The following RBMS3 variants were observed in gnomAD, a reference collection of about 807,000 sequenced individuals.
The protein encoded by RBMS3 is RNA binding motif single stranded interacting protein 3, also known as RNA-binding motif, single-stranded-interacting protein 3.
Under a neutral mutation model 66.8 loss-of-function variants are expected in RBMS3, and 27 were observed. That is an observed-to-expected ratio of 0.40 (90% confidence interval 0.30 to 0.56). The LOEUF (loss-of-function observed/expected upper bound fraction) is 0.56. RBMS3 is among the 20% of genes least tolerant of loss of function. RBMS3 has a pLI of 0.40. For synonymous variants in RBMS3, 188 were observed against 183.0 expected (o/e 1.03, Z -0.22); for missense variants, 513 against 549.5 (o/e 0.93, Z 0.66).
intron 1 of RBMS3, among the ~76,000 whole-genome samples, chr3:29,403,461 A>G (rs2125670626): frequency 6.6e-6 from 1 of 152,180 alleles, no homozygotes; most frequent in Non-Finnish European, 1.5e-5. Context: ...TTGCATAGCT[A>G]ACTTTGCCAT....
At position 29,763,529 on chromosome 3, in the gene RBMS3, G is replaced by T. The variant is rs1436507958; in HGVS notation, c.637+540G>T. On this transcript the variant is annotated intron_variant, in intron 6 of 14. Coordinates refer to ENST00000383767, the MANE Select transcript of RBMS3 (RefSeq NM_001003793.3). ...CAAATTGGAAATTTTAGAAAATACT[G>T]TCTATTTATCAGAGCTAGTTTGAGA... 3.3e-5 allele frequency among the ~76,000 whole-genome samples: 5 copies of T among 152,100 alleles called. No individual in the cohort carries two copies. In the South Asian group the frequency reaches 1.0e-3, roughly 32 times the overall value.
intron 6 of RBMS3, among the ~76,000 whole-genome samples, chr3:29,801,668 A>C (rs535057948): frequency 6.6e-6 from 1 of 152,304 alleles, no homozygotes; most frequent in Non-Finnish European, 1.5e-5. Flanking sequence ...CTGCCATAAA[A>C]GGAAAAACAT....
intron 5 of RBMS3, among the ~76,000 whole-genome samples, chr3:29,758,606 A>C (rs1443796019): frequency 6.6e-6 from 1 of 152,182 alleles, no homozygotes; most frequent in Non-Finnish European, 1.5e-5. Context: ...TACTTAAGAC[A>C]CTTGTATCCT....
At chr3:29,359,587 T>TG (rs1235532987) in intron 1 of RBMS3, among the ~76,000 whole-genome samples, 1 of 152,194 alleles carries the variant, frequency 6.6e-6, no homozygotes, top group African/African-American at 2.4e-5. Context: ...GATTCCCTCT[T>TG]TTTCTACTGA....
Position 29,973,689 on chromosome 3 carries a change from G to A in RBMS3, c.1099-14454G>A, listed in dbSNP as rs79514521. Among the ~76,000 whole-genome samples the A allele has an allele frequency of 8.4e-3, 1,270 of 151,988 alleles. 14 individuals are homozygous for A. Among genetic ancestry groups the A allele is most frequent in the African/African-American group, 0.028 (1,159 of 41,496 alleles). ...CAATTTCCTGAGCTCCTCACTTCTG[G>A]TGACCTTTCTCTATTCTATCCTAGA... On this transcript the variant is annotated intron_variant, in intron 12 of 14. Coordinates refer to ENST00000383767, the MANE Select transcript of RBMS3 (RefSeq NM_001003793.3).
chr3:29,853,161 T>A (rs1209026997), intron 6 of RBMS3, among the ~76,000 whole-genome samples: 2 of 151,486 alleles, frequency 1.3e-5, no homozygotes, highest in Non-Finnish European at 1.5e-5. Context: ...TCTCAGAGAG[T>A]GGAGGGTGGG....
chr3:29,682,478 GATTC>G (rs1210460873), intron 4 of RBMS3, among the ~76,000 whole-genome samples: 1 of 152,192 alleles, frequency 6.6e-6, no homozygotes, highest in African/African-American at 2.4e-5. Context: ...AACAAGCTCT[GATTC>G]ATTGATAATG....
chr3:29,671,596 ACAGAGTTGAAAAC>A (rs1179762010), intron 4 of RBMS3, among the ~76,000 whole-genome samples: 1 of 152,220 alleles, frequency 6.6e-6, no homozygotes, highest in Non-Finnish European at 1.5e-5. Flanking sequence ...AAATGACCTG[ACAGAGTTGAAAAC>A]CATGGCACAA....
intron 3 of RBMS3, among the ~76,000 whole-genome samples, chr3:29,554,531 C>G (rs1296124014): frequency 6.6e-6 from 1 of 152,054 alleles, no homozygotes; most frequent in Non-Finnish European, 1.5e-5. Flanking sequence ...AAATAAGTAT[C>G]CACAAAATTA....
intron 1 of RBMS3, among the ~76,000 whole-genome samples, chr3:29,348,514 A>G (rs1290250105): frequency 6.6e-6 from 1 of 151,930 alleles, no homozygotes; most frequent in African/African-American, 2.4e-5. Context: ...TTATAGTGCC[A>G]CATATTTGTG....
intron 1 of RBMS3, among the ~76,000 whole-genome samples, chr3:29,304,760 A>T: frequency 6.6e-6 from 1 of 151,866 alleles, no homozygotes; most frequent in East Asian, 1.9e-4. Context: ...ACTTTGTGTT[A>T]TGTGCTGTGT....
intron 1 of RBMS3, among the ~76,000 whole-genome samples, chr3:29,335,176 TG>T (rs1375464745): frequency 6.6e-6 from 1 of 152,206 alleles, no homozygotes; most frequent in Non-Finnish European, 1.5e-5. Context: ...TAGATGTTTT[TG>T]TTCTTCCTAC....
rs528391471 is a variant in RBMS3, at chr3:29,837,205, AATGAGT to A, written c.638-31646_638-31641del. ...ACAGGTGATTCTCCTCCAAAACCATAATGAGTATGAGTCTGTTGAATAAATGTATAC... is the reference window on the plus strand; with the variant it reads ...ACAGGTGATTCTCCTCCAAAACCATAATGAGTCTGTTGAATAAATGTATAC... On this transcript the variant is annotated intron_variant, in intron 6 of 14. Transcript: ENST00000383767. 1.0e-3 allele frequency among the ~76,000 whole-genome samples: 157 copies of A among 152,202 alleles called. 1 individual carries two copies. Among genetic ancestry groups the A allele is most frequent in the African/African-American group, 3.7e-3 (152 of 41,538 alleles).
intron 1 of RBMS3, among the ~76,000 whole-genome samples, chr3:29,432,755 G>T (rs940682036): frequency 8.5e-5 from 13 of 152,186 alleles, no homozygotes; most frequent in Non-Finnish European, 1.3e-4. Context: ...CCAGAGTGTT[G>T]TAGGATGATA....
intron 10 of RBMS3, among the ~76,000 whole-genome samples, chr3:29,903,402 T>G (rs1418756576): frequency 6.6e-6 from 1 of 151,964 alleles, no homozygotes; most frequent in African/African-American, 2.4e-5. Flanking sequence ...GTCAATGTAG[T>G]TGGTTATTTG....
chr3:29,759,921 C>A (rs941600484), intron 5 of RBMS3, among the ~76,000 whole-genome samples: 1 of 151,974 alleles, frequency 6.6e-6, no homozygotes, highest in African/African-American at 2.4e-5. Flanking sequence ...CACTAAGCGC[C>A]GGCAGCTACA....
intron 1 of RBMS3, among the ~76,000 whole-genome samples, chr3:29,395,439 A>AATTCCTGTTCTACCT (rs368287097): frequency 2.6e-4 from 39 of 152,302 alleles, no homozygotes; most frequent in African/African-American, 9.1e-4. Context: ...AAATGGGGGT[A>AATTCCTGTTCTACCT]ATTCCTGTTC....
chr3:29,813,093 A>C (rs574094332), intron 6 of RBMS3, among the ~76,000 whole-genome samples: 1 of 152,144 alleles, frequency 6.6e-6, no homozygotes, highest in Non-Finnish European at 1.5e-5. Flanking sequence ...CTTTTATTAG[A>C]CATAAATGAT....
intron 3 of RBMS3, among the ~76,000 whole-genome samples, chr3:29,514,033 C>A (rs1401458522): frequency 2.0e-5 from 3 of 152,118 alleles, no homozygotes; most frequent in East Asian, 1.9e-4. Flanking sequence ...TCTTTCTATT[C>A]CTTGTGCCTA....
Sources: gnomAD v4.1 joint callset for allele counts (sites outside exome capture counted in the v4.1 genomes callset) on GRCh38, gnomAD v4.1.1 for gene constraint, MANE v1.5 for transcripts, NCBI Gene and HGNC (gene_info 2026-07-23, HGNC 2026-07-21) for gene names.